GLDC: variants seen among roughly 807,000 people sequenced by gnomAD.
GLDC encodes the protein glycine decarboxylase, also known as glycine dehydrogenase (decarboxylating), mitochondrial.
In GLDC, 104 loss-of-function variants were observed where a neutral mutation model predicts 121.3. That is an observed-to-expected ratio of 0.86 (90% CI 0.73 to 1.01). The LOEUF (loss-of-function observed/expected upper bound fraction) is 1.01, where lower values mean the gene tolerates loss of function less well. Ranked by LOEUF, GLDC falls within the 50% of genes least tolerant of loss-of-function variation. GLDC has a pLI of 0.00. For synonymous variants in GLDC, 546 were observed against 480.6 expected (o/e 1.14, Z -1.78); for missense variants, 1,429 against 1,306.6 (o/e 1.09, Z -1.44).
rs530177877 is a variant in GLDC, at chr9:6,633,988, C to T, written c.334+10626G>A. Among the ~76,000 whole-genome samples, 14 of 151,852 alleles carry T rather than the reference C, an allele frequency of 9.2e-5. No homozygotes were observed. In the East Asian group the frequency reaches 2.6e-3, roughly 28 times the overall value. On this transcript the variant is annotated intron_variant, in intron 2 of 24. Coordinates refer to ENST00000321612, the MANE Select transcript of GLDC (RefSeq NM_000170.3). ...GGGACTACAGGCGCCCGCCACCAGG[C>T]CCAGCTAATTTTTTTGTATTTTTAG...
chr9:6,587,117 C>G (rs746382170), intron 15 of GLDC, 24 bp downstream of exon 15: 1 of 1,601,392 alleles, frequency 6.2e-7, no homozygotes, highest in Non-Finnish European at 8.5e-7. Context: ...ATTGCTGAAA[C>G]AATAAGAAAA....
intron 4 of GLDC, 91 bp downstream of exon 4, chr9:6,610,101 A>T: frequency 1.0e-6 from 1 of 994,290 alleles, no homozygotes; most frequent in African/African-American, 1.6e-5. Flanking sequence ...AAAGCTGACT[A>T]AAGTAATATT....
rs893403027 is a variant in GLDC at position 6,621,664 on chromosome 9, C to T, written c.335-1345G>A. Among the ~76,000 whole-genome samples the T allele has an allele frequency of 1.3e-5, 2 of 152,114 alleles. 1 individual carries two copies. The highest frequency in any genetic ancestry group is 2.9e-5 in the Non-Finnish European group (2 of 68,022). The stretch of plus-strand genomic sequence containing the variant: ...TCCTGAGTAGCTGGGACTACAGTCG[C>T]ACATCACCACACCTGGCTAATTTTT... On this transcript the variant is annotated intron_variant, in intron 2 of 24. Transcript: ENST00000321612.
At chr9:6,614,706 C>T (rs1317425171) in intron 3 of GLDC, among the ~76,000 whole-genome samples, 1 of 152,058 alleles carries the variant, frequency 6.6e-6, no homozygotes, top group African/African-American at 2.4e-5. Flanking sequence ...TATTAATTTT[C>T]TACAGTCATG....
chr9:6,621,580 C>T (rs925328946), intron 2 of GLDC, among the ~76,000 whole-genome samples: 1 of 152,068 alleles, frequency 6.6e-6, no homozygotes, highest in Non-Finnish European at 1.5e-5. Flanking sequence ...TGCAGTGGCT[C>T]GATCTTGGCT....
intron 15 of GLDC, among the ~76,000 whole-genome samples, chr9:6,578,821 C>A (rs1182204051): frequency 1.3e-5 from 2 of 152,200 alleles, no homozygotes; most frequent in Non-Finnish European, 2.9e-5. Flanking sequence ...GCATGAGCTA[C>A]TGCACCTGGC....
At chr9:6,596,226 C>T (rs919112797) in intron 8 of GLDC, among the ~76,000 whole-genome samples, 2 of 152,286 alleles carry the variant, frequency 1.3e-5, no homozygotes, top group African/African-American at 2.4e-5. Flanking sequence ...TGGCAGCCTC[C>T]ACCACAATAT....
intron 21 of GLDC, chr9:6,540,355 G>A (rs191541598): frequency 2.6e-4 from 145 of 553,958 alleles, no homozygotes; most frequent in African/African-American, 1.6e-3. Context: ...ACACTGTGCC[G>A]ATGTGTCTTA....
At position 6,592,170 on chromosome 9, in the gene GLDC, C is replaced by T; in HGVS notation, c.1455G>A (p.Leu485=). 1.2e-6 allele frequency: 2 copies of T among 1,606,780 alleles called. No homozygotes were observed. Among genetic ancestry groups the T allele is most frequent in the African/African-American group, 1.3e-5 (1 of 74,910 alleles). The change falls in exon 11 of 25, where the codon TTG becomes TTA. Residue 485 remains leucine (L), a synonymous_variant. Coordinates refer to ENST00000321612, the MANE Select transcript of GLDC (RefSeq NM_000170.3). The stretch of plus-strand genomic sequence containing the variant: ...CAGATGACTCACAACCAAAGATCCA[C>T]AACAAATCGTCCAGATCTTTTTCAT... ...TVNEKDLDDL[L]WIFGCESSAE... is the part of the protein sequence containing the mutation.
At chr9:6,572,103 C>A (rs1356345359) in intron 15 of GLDC, among the ~76,000 whole-genome samples, 1 of 151,902 alleles carries the variant, frequency 6.6e-6, no homozygotes, top group Non-Finnish European at 1.5e-5. Context: ...AAACAAAAAA[C>A]AGAATAAAAA....
intron 21 of GLDC, 124 bp downstream of exon 21, chr9:6,550,679 A>T: frequency 1.3e-6 from 1 of 754,416 alleles, no homozygotes; most frequent in Non-Finnish European, 2.4e-6. Context: ...AGAACTCTAC[A>T]CTATTTTCTG....
chr9:6,593,546 C>T lies in GLDC; in HGVS notation c.1262-556G>A, dbSNP rs537782388. ...TGAACTCTGGGACTCAAGCAATTCTCCCACCTCAGCCTCCCAAAACGATGG... is the reference window on the plus strand; with the variant it reads ...TGAACTCTGGGACTCAAGCAATTCTTCCACCTCAGCCTCCCAAAACGATGG... On this transcript the variant is annotated intron_variant, in intron 9 of 24. Coordinates refer to ENST00000321612, the MANE Select transcript of GLDC (RefSeq NM_000170.3). Among the ~76,000 whole-genome samples, 16 of 152,192 alleles carry T rather than the reference C, an allele frequency of 1.1e-4. No homozygotes were observed. In the South Asian group the frequency reaches 2.7e-3, roughly 26 times the overall value.
chr9:6,603,842 G>A (rs1166620563), intron 7 of GLDC, among the ~76,000 whole-genome samples: 2 of 150,224 alleles, frequency 1.3e-5, no homozygotes, highest in African/African-American at 4.9e-5. Context: ...TGATTCTCCT[G>A]CCTCTGCCTC....
At chr9:6,615,695 C>T (rs1311075261) in intron 3 of GLDC, among the ~76,000 whole-genome samples, 1 of 152,008 alleles carries the variant, frequency 6.6e-6, no homozygotes, top group Non-Finnish European at 1.5e-5. Context: ...ACTGCAGTCT[C>T]CTCTTCCTGG....
At chr9:6,593,601 C>T (rs765417999) in intron 9 of GLDC, among the ~76,000 whole-genome samples, 28 of 151,798 alleles carry the variant, frequency 1.8e-4, no homozygotes, top group Non-Finnish European at 3.5e-4. Context: ...CACACCTGGT[C>T]TCATCTATGC....
chr9:6,552,936 C>A (rs180784264), intron 20 of GLDC, among the ~76,000 whole-genome samples: 104 of 151,864 alleles, frequency 6.8e-4, no homozygotes, highest in African/African-American at 2.4e-3. Flanking sequence ...CTGGCCCCCC[C>A]CAAGAAATAT....
intron 24 of GLDC, 84 bp from the exon 25 acceptor site, chr9:6,533,244 C>G (rs1317507372): frequency 1.9e-6 from 2 of 1,056,982 alleles, no homozygotes; most frequent in Non-Finnish European, 3.0e-6. Flanking sequence ...GCTAGTCCCA[C>G]AACCTAAGAC....
intron 19 of GLDC, 39 bp from the exon 20 acceptor site, chr9:6,553,548 G>T (rs765551148): frequency 1.2e-6 from 2 of 1,603,574 alleles, no homozygotes; most frequent in African/African-American, 1.3e-5. Context: ...AAATGTAAAC[G>T]ATTCAGTTTA....
At chr9:6,542,990 G>GAA in intron 21 of GLDC, among the ~76,000 whole-genome samples, 1 of 151,370 alleles carries the variant, frequency 6.6e-6, no homozygotes, top group Non-Finnish European at 1.5e-5. Flanking sequence ...TGTTCAAGGG[G>GAA]AAAATCATTA....
Sources: gnomAD v4.1 joint callset for allele counts (sites outside exome capture counted in the v4.1 genomes callset) on GRCh38, gnomAD v4.1.1 for gene constraint, MANE v1.5 for transcripts, NCBI Gene and HGNC (gene_info 2026-07-23, HGNC 2026-07-21) for gene names.